PHACTR2: variants seen among roughly 807,000 people sequenced by gnomAD.
PHACTR2 encodes the protein phosphatase and actin regulator 2, also known as chromosome 6 open reading frame 56.
A neutral mutation model predicts 76.0 loss-of-function variants in PHACTR2; 30 were observed. The ratio of observed to expected loss-of-function variants is 0.39; its 90% CI spans 0.30 to 0.54. PHACTR2 has a LOEUF of 0.54. Among genes scored for constraint, PHACTR2 ranks in the 20% least tolerant of loss-of-function variants. The pLI is 0.61. For missense variants in PHACTR2, 696 were observed against 781.1 expected (o/e 0.89, Z 1.30); for synonymous variants, 292 against 292.5 (o/e 1.00, Z 0.02).
chr6:143,772,502 A>G lies in PHACTR2; in HGVS notation c.1432+45A>G. On this transcript the variant is annotated intron_variant, in intron 7 of 12. Coordinates refer to ENST00000440869, the MANE Select transcript of PHACTR2 (RefSeq NM_001100164.2). This position sits in a 1 kb window ranked among gnomAD's most constrained non-coding sequence, Gnocchi z 5.4. ...GCAGGGAGGAGCGTGGGTGATAAGC[A>G]GAAGCAGCTGCAGTTTATAAAGAAT... 1 of 1,387,276 alleles carries G rather than the reference A, an allele frequency of 7.2e-7. No individual in the cohort carries two copies. The highest frequency in any genetic ancestry group is 1.2e-5 in the South Asian group (1 of 83,660). The allele number at this position is 1,387,276 out of a possible 1,614,324, so 85.9% of individuals were successfully genotyped here. A position where few individuals can be genotyped will look rare whatever the true frequency, so the allele number is the denominator to read the frequency against.
intron 2 of PHACTR2, among the ~76,000 whole-genome samples, chr6:143,718,134 AT>A (rs1005693409): frequency 5.9e-5 from 9 of 152,320 alleles, no homozygotes; most frequent in Admixed American, 1.3e-4. Flanking sequence ...GCCTGTCTAG[AT>A]TTTTAGGTAG....
At position 143,806,241 on chromosome 6, in the gene PHACTR2, G is replaced by A. The variant is rs1447893101; in HGVS notation, c.1846-816G>A. Among the ~76,000 whole-genome samples the A allele has an allele frequency of 1.3e-5, 2 of 152,098 alleles. No individual in the cohort carries two copies. Among genetic ancestry groups the A allele is most frequent in the African/African-American group, 4.8e-5 (2 of 41,422 alleles). On this transcript the variant is annotated intron_variant, in intron 11 of 12. Coordinates refer to ENST00000440869, the MANE Select transcript of PHACTR2 (RefSeq NM_001100164.2). The surrounding 1 kb of genome is among the most constrained non-coding windows in gnomAD (Gnocchi z 5.8). ...CATCCCCTCAAATACCAAAAATTAC[G>A]TGACACGGATTATGTGTTCTTTAAA...
At position 143,765,615 on chromosome 6, in the gene PHACTR2, C is replaced by G. The variant is rs200996920; in HGVS notation, c.1049C>G (p.Pro350Arg). 3.4e-4 allele frequency: 548 copies of G among 1,614,146 alleles called. 7 individuals are homozygous for G. In the South Asian group the frequency reaches 3.9e-3, roughly 12 times the overall value. ...CCAGCACCTTCTCCTCTGGCCCCCC[C>G]TCTCCCTCTTGAGGATCAGTGCATT... ...VAPAPSPLAP[P>R]LPLEDQCITA... Residue 350 changes from proline (P) to arginine (R), a missense_variant, in exon 6 of 13, where the codon CCT becomes CGT. This residue lies in a region of PHACTR2 where 460 missense variants were observed against 450.9 expected (regional missense o/e 1.02). Transcript: ENST00000440869. This position sits in a 1 kb window ranked among gnomAD's most constrained non-coding sequence, Gnocchi z 4.1.
intron 1 of PHACTR2, among the ~76,000 whole-genome samples, chr6:143,552,853 A>C (rs542368904): frequency 2.7e-5 from 4 of 146,712 alleles, no homozygotes; most frequent in Non-Finnish European, 6.0e-5. Flanking sequence ...ACTGCACTCC[A>C]GCCTTGGCAA....
chr6:143,798,486 A>G (rs1292223940), intron 11 of PHACTR2, among the ~76,000 whole-genome samples: 2 of 152,206 alleles, frequency 1.3e-5, no homozygotes, highest in African/African-American at 2.4e-5. Flanking sequence ...CGGTTTTCAA[A>G]GGGAATGCTT....
chr6:143,587,731 T>C (rs1388387147), intron 1 of PHACTR2, among the ~76,000 whole-genome samples: 1 of 152,096 alleles, frequency 6.6e-6, no homozygotes, highest in African/African-American at 2.4e-5. Flanking sequence ...AGTAAAATAT[T>C]GGCCGGGCGC....
rs1259484789 is a variant in PHACTR2, at chr6:143,774,161, C to T, written c.1535C>T (p.Thr512Ile). The T allele has an allele frequency of 1.2e-6, 2 of 1,613,876 alleles. No individual in the cohort carries two copies. The highest frequency in any genetic ancestry group is 1.3e-5 in the African/African-American group (1 of 74,934). Residue 512 changes from threonine to isoleucine, a missense_variant, in exon 8 of 13, where the codon ACA becomes ATA. By Grantham distance (89) the Thr-to-Ile change is moderately conservative. Coordinates refer to ENST00000440869, the MANE Select transcript of PHACTR2 (RefSeq NM_001100164.2). The surrounding 1 kb of genome is among the most constrained non-coding windows in gnomAD (Gnocchi z 5.4). ...GAGGACAAAAACATCTTGCAGCGTA[C>T]ATCTGAAGAAGAGAGGCAGGAAATC... is the stretch of plus-strand genomic sequence containing the variant. ...ELEDKNILQR[T>I]SEEERQEIRQ...
At chr6:143,726,389 T>C (rs1778572129) in intron 2 of PHACTR2, among the ~76,000 whole-genome samples, 1 of 152,224 alleles carries the variant, frequency 6.6e-6, no homozygotes, top group African/African-American at 2.4e-5. Flanking sequence ...CCGGAACTTT[T>C]TCATCCTGCA....
Position 143,684,903 on chromosome 6 carries a change from A to G in PHACTR2, c.46+6694A>G, listed in dbSNP as rs1225742954. Among the ~76,000 whole-genome samples the G allele has an allele frequency of 6.6e-6, 1 of 152,186 alleles. No individual in the cohort carries two copies. Among genetic ancestry groups the G allele is most frequent in the Non-Finnish European group, 1.5e-5 (1 of 68,028 alleles). ...ATCTATATGTAAAAAATGGCATCTT[A>G]TTTTGATTATGAGTGATGTAGGACA... On this transcript the variant is annotated intron_variant, in intron 1 of 12. Coordinates refer to ENST00000440869, the MANE Select transcript of PHACTR2 (RefSeq NM_001100164.2). This position sits in a 1 kb window ranked among gnomAD's most constrained non-coding sequence, Gnocchi z 4.3.
At chr6:143,564,173 GTGTGTGTGTA>G (rs1175705950) in intron 1 of PHACTR2, among the ~76,000 whole-genome samples, 1 of 36,062 alleles carries the variant, frequency 2.8e-5, no homozygotes. Context: ...GTGCATATAT[GTGTGTGTGTA>G]TGTGTGTGTG....
At position 143,757,361 on chromosome 6, in the gene PHACTR2, A is replaced by G. The variant is rs865796528; in HGVS notation, c.455-3040A>G. ...AGCACAGCAACCCAAGGGAGCTCAC[A>G]GTGAGGGCCAACATTGGTTCTCAGA... On this transcript the variant is annotated intron_variant, in intron 4 of 12. Coordinates refer to ENST00000440869, the MANE Select transcript of PHACTR2 (RefSeq NM_001100164.2). This position sits in a 1 kb window ranked among gnomAD's most constrained non-coding sequence, Gnocchi z 4.2. Among the ~76,000 whole-genome samples the G allele has an allele frequency of 3.8e-4, 58 of 152,354 alleles. No homozygotes were observed. Among genetic ancestry groups the G allele is most frequent in the African/African-American group, 1.2e-3 (49 of 41,590 alleles).
Position 143,549,420 on chromosome 6 carries a change from GGTCACAT to G in PHACTR2, c.217+12216_217+12222del, listed in dbSNP as rs1325397068. ...CAGCAAGGGTTTAGAGTTTGCATGA[GGTCACAT>G]GTGATTATCCAGATCTGGATTTATT... On this transcript the variant is annotated intron_variant, in intron 1 of 11. Coordinates refer to the PHACTR2 transcript ENST00000367584. This position sits in a 1 kb window ranked among gnomAD's most constrained non-coding sequence, Gnocchi z 4.2. 6.6e-6 allele frequency among the ~76,000 whole-genome samples: 1 copy of G among 152,004 alleles called. No homozygotes were observed. Among genetic ancestry groups the G allele is most frequent in the Admixed American group, 6.6e-5 (1 of 15,258 alleles).
intron 2 of PHACTR2, among the ~76,000 whole-genome samples, chr6:143,745,948 A>G (rs912140937): frequency 6.6e-6 from 1 of 152,232 alleles, no homozygotes; most frequent in East Asian, 1.9e-4. Flanking sequence ...TTAGTTTACA[A>G]GGAAGAAAGG....
At position 143,680,762 on chromosome 6, in the gene PHACTR2, A is replaced by G. The variant is rs899243419; in HGVS notation, c.46+2553A>G. Among the ~76,000 whole-genome samples, 1 of 151,936 alleles carries G rather than the reference A, an allele frequency of 6.6e-6. No homozygotes were observed. The highest frequency in any genetic ancestry group is 2.4e-5 in the African/African-American group (1 of 41,322). On this transcript the variant is annotated intron_variant, in intron 1 of 12. Transcript: ENST00000440869. The surrounding 1 kb of genome is among the most constrained non-coding windows in gnomAD (Gnocchi z 4.5). ...GACCCTCAATCTCTGTTCCCACCCT[A>G]TTCAACCAGTGGGCTCTACCTTAAT...
At chr6:143,576,630 A>G (rs913574487) in intron 1 of PHACTR2, among the ~76,000 whole-genome samples, 1 of 152,144 alleles carries the variant, frequency 6.6e-6, no homozygotes, top group Non-Finnish European at 1.5e-5. Context: ...TAATCCTGGC[A>G]CTTTGGGAGG....
intron 1 of PHACTR2, among the ~76,000 whole-genome samples, chr6:143,620,086 GA>G (rs1208158520): frequency 6.6e-6 from 1 of 152,072 alleles, no homozygotes; most frequent in Non-Finnish European, 1.5e-5. Flanking sequence ...GACGATAGTT[GA>G]AAAAAGCCAG....
At chr6:143,686,213 T>G (rs1243271126) in intron 1 of PHACTR2, among the ~76,000 whole-genome samples, 1 of 151,646 alleles carries the variant, frequency 6.6e-6, no homozygotes, top group East Asian at 1.9e-4. Context: ...AAGAAATAAT[T>G]AATTGCTCAT....
intron 1 of PHACTR2, 31 bp from the exon 2 acceptor site, chr6:143,711,985 C>T: frequency 6.2e-7 from 1 of 1,601,460 alleles, no homozygotes; most frequent in Non-Finnish European, 8.5e-7. Flanking sequence ...TTTTTTACAA[C>T]CTTTCTCTGT....
rs1467867118 is a variant in PHACTR2 at position 143,697,201 on chromosome 6, TGTGTGATGCCTAAA to T, written c.47-14813_47-14800del. Among the ~76,000 whole-genome samples the T allele has an allele frequency of 6.6e-6, 1 of 152,252 alleles. No individual in the cohort carries two copies. The highest frequency in any genetic ancestry group is 1.5e-5 in the Non-Finnish European group (1 of 68,034). On this transcript the variant is annotated intron_variant, in intron 1 of 12. Coordinates refer to ENST00000440869, the MANE Select transcript of PHACTR2 (RefSeq NM_001100164.2). The surrounding 1 kb of genome is among the most constrained non-coding windows in gnomAD (Gnocchi z 4.4). ...GTTTTCTAAGAGATTCACATTCTCGTGTGTGATGCCTAAAGAGAATGGAAAAAACAAAAGCAGTT... is the reference window on the plus strand; with the variant it reads ...GTTTTCTAAGAGATTCACATTCTCGTGAGAATGGAAAAAACAAAAGCAGTT...
Sources: gnomAD v4.1 joint callset for allele counts (sites outside exome capture counted in the v4.1 genomes callset) on GRCh38, gnomAD v4.1.1 for gene constraint, gnomAD v4.1.1 regional missense constraint, Gnocchi (gnomAD v3.1) non-coding constraint, MANE v1.5 for transcripts, NCBI Gene and HGNC (gene_info 2026-07-23, HGNC 2026-07-21) for gene names.